AUTS2: variants seen among roughly 807,000 people sequenced by gnomAD.
AUTS2 encodes the protein autism susceptibility gene 2 protein.
A neutral mutation model predicts 112.4 loss-of-function variants in AUTS2; 17 were observed. The observed-to-expected ratio is 0.15, with a 90% CI of 0.10 to 0.23. The LOEUF is 0.23. AUTS2 is among the 10% of genes least tolerant of loss of function. The pLI is 1.00. For synonymous variants in AUTS2, 751 were observed against 702.7 expected, an observed-to-expected ratio of 1.07 and a Z score of -1.09; for missense variants, 1,510 against 1,701.6, an observed-to-expected ratio of 0.89 and a Z score of 1.98.
chr7:70,736,082 T>G (rs1042396119), intron 6 of AUTS2, among the ~76,000 whole-genome samples: 1 of 152,088 alleles, frequency 6.6e-6, no homozygotes, highest in African/African-American at 2.4e-5. Flanking sequence ...ATCATAACAC[T>G]GTTAATAGAC....
intron 15 of AUTS2, 87 bp downstream of exon 15, chr7:70,781,843 G>A (rs962374957): frequency 2.9e-5 from 44 of 1,511,922 alleles, no homozygotes; most frequent in Non-Finnish European, 3.2e-5. Flanking sequence ...CTGAGCTGCC[G>A]CTCAGTCACC....
At chr7:69,820,976 G>A (rs970143700) in intron 1 of AUTS2, among the ~76,000 whole-genome samples, 9 of 152,126 alleles carry the variant, frequency 5.9e-5, no homozygotes, top group Admixed American at 2.6e-4. Flanking sequence ...TTGGGGCCAG[G>A]GCTCTGCACC....
chr7:70,145,596 T>C (rs755265986), intron 4 of AUTS2, among the ~76,000 whole-genome samples: 1 of 152,114 alleles, frequency 6.6e-6, no homozygotes, highest in African/African-American at 2.4e-5. Context: ...ATGAAAAAAC[T>C]TTCTATTATT....
intron 2 of AUTS2, among the ~76,000 whole-genome samples, chr7:69,982,392 T>G (rs573986195): frequency 6.6e-6 from 1 of 152,288 alleles, no homozygotes; most frequent in Non-Finnish European, 1.5e-5. Context: ...TAAGAAAGAT[T>G]AAAAGAACAA....
intron 2 of AUTS2, among the ~76,000 whole-genome samples, chr7:70,060,462 G>T (rs766936543): frequency 1.3e-5 from 2 of 152,130 alleles, no homozygotes; most frequent in Non-Finnish European, 2.9e-5. Context: ...CTGGCAATCT[G>T]TGTTGTAAGC....
chr7:69,885,189 C>T (rs1047420220), intron 1 of AUTS2, among the ~76,000 whole-genome samples: 7 of 152,002 alleles, frequency 4.6e-5, no homozygotes, highest in Admixed American at 1.3e-4. Context: ...CTTTTTGTGC[C>T]GCGAGTATTT....
At chr7:70,732,878 T>A (rs1359335971) in intron 6 of AUTS2, among the ~76,000 whole-genome samples, 2 of 152,230 alleles carry the variant, frequency 1.3e-5, no homozygotes, top group Non-Finnish European at 2.9e-5. Flanking sequence ...TCTGGCCTCA[T>A]AACACACACT....
chr7:70,255,074 C>CT (rs3078929), intron 4 of AUTS2, among the ~76,000 whole-genome samples: 2,213 of 129,598 alleles, frequency 0.017, 57 homozygotes, highest in Middle Eastern at 0.04. Flanking sequence ...TCAAAATTAC[C>CT]TTTTTTTTTT....
chr7:70,274,836 C>T (rs866917336), intron 4 of AUTS2, among the ~76,000 whole-genome samples: 1 of 151,960 alleles, frequency 6.6e-6, no homozygotes, highest in African/African-American at 2.4e-5. Flanking sequence ...TATAGTGGTT[C>T]CTCAAAAAAA....
chr7:70,182,095 C>A (rs1200838930), intron 4 of AUTS2, among the ~76,000 whole-genome samples: 1 of 152,230 alleles, frequency 6.6e-6, no homozygotes, highest in African/African-American at 2.4e-5. Context: ...AGCCACCACG[C>A]CCAGCTGAGC....
At position 70,106,324 on chromosome 7, in the gene AUTS2, A is replaced by G. The variant is rs147384033; in HGVS notation, c.523-11808A>G. On this transcript the variant is annotated intron_variant, in intron 2 of 18. Transcript: ENST00000342771. ...GGTGCTCCATTGACCCTTTATAACTATAGCATTAGTGCAGTTAGTGCTCTT... is the reference window on the plus strand; with the variant it reads ...GGTGCTCCATTGACCCTTTATAACTGTAGCATTAGTGCAGTTAGTGCTCTT... Among the ~76,000 whole-genome samples the G allele has an allele frequency of 6.2e-3, 949 of 152,310 alleles. 9 individuals carry two copies. Among genetic ancestry groups the G allele is most frequent in the East Asian group, 0.016 (84 of 5,168 alleles).
At chr7:70,211,375 C>T (rs923607413) in intron 4 of AUTS2, among the ~76,000 whole-genome samples, 17 of 150,416 alleles carry the variant, frequency 1.1e-4, no homozygotes, top group Admixed American at 1.1e-3. Context: ...TCTGGCCGGG[C>T]GCGGTGGTTC....
At chr7:70,642,525 T>A (rs1010508465) in intron 5 of AUTS2, among the ~76,000 whole-genome samples, 1 of 152,060 alleles carries the variant, frequency 6.6e-6, no homozygotes, top group African/African-American at 2.4e-5. Context: ...TATTTCCAAT[T>A]GTGTCCTCAA....
intron 2 of AUTS2, among the ~76,000 whole-genome samples, chr7:69,920,007 A>G (rs938172386): frequency 8.0e-5 from 9 of 112,126 alleles, no homozygotes; most frequent in East Asian, 3.1e-4. Context: ...TATGTATACA[A>G]TTTTTTGCAG....
chr7:70,759,574 T>C (rs968561783), intron 6 of AUTS2, among the ~76,000 whole-genome samples: 5 of 152,198 alleles, frequency 3.3e-5, no homozygotes, highest in Non-Finnish European at 4.4e-5. Flanking sequence ...TGGTAGCTTG[T>C]TGGAGGTGGT....
chr7:69,677,343 A>T (rs886663142), intron 1 of AUTS2, among the ~76,000 whole-genome samples: 6 of 152,208 alleles, frequency 3.9e-5, no homozygotes, highest in African/African-American at 1.4e-4. Context: ...GGAAAGCTAC[A>T]TTATATTAAA....
At chr7:69,783,088 C>CTTTTTTTTTTTTT (rs398047755) in intron 1 of AUTS2, among the ~76,000 whole-genome samples, 1 of 85,136 alleles carries the variant, frequency 1.2e-5, no homozygotes, top group Non-Finnish European at 2.4e-5. Flanking sequence ...TGCTGCTCAT[C>CTTTTTTTTTTTTT]TTTTTTTTTT....
intron 1 of AUTS2, among the ~76,000 whole-genome samples, chr7:69,759,085 T>C (rs1024300076): frequency 9.2e-5 from 14 of 152,180 alleles, no homozygotes; most frequent in Non-Finnish European, 1.9e-4. Context: ...GGTACTGTTA[T>C]TTTCTCCATT....
At chr7:69,892,792 G>A (rs1454203796) in intron 1 of AUTS2, among the ~76,000 whole-genome samples, 2 of 152,198 alleles carry the variant, frequency 1.3e-5, no homozygotes, top group Non-Finnish European at 1.5e-5. Flanking sequence ...TTAGATTGAA[G>A]TGTGGATTAA....
Sources: allele counts gnomAD v4.1 joint callset (sites outside exome capture counted in the v4.1 genomes callset), GRCh38; gene constraint gnomAD v4.1.1; transcripts MANE v1.5; gene names NCBI Gene and HGNC (gene_info 2026-07-23, HGNC 2026-07-21).